Variants in RADIL observed in about 807,000 individuals in gnomAD.
RADIL encodes the protein ras-associating and dilute domain-containing protein.
Under a neutral mutation model 97.6 loss-of-function variants are expected in RADIL, and 99 were observed. The ratio of observed to expected loss-of-function variants is 1.01; its 90% confidence interval spans 0.86 to 1.20. The LOEUF (loss-of-function observed/expected upper bound fraction) is 1.20. Among genes scored for constraint, RADIL ranks in the 50% most tolerant of loss-of-function variants. The probability of loss-of-function intolerance (pLI) is 0.00; values close to 1 mark genes in which losing one functional copy is unlikely to be tolerated. For missense variants in RADIL, 1,765 were observed against 1,498.9 expected (o/e 1.18, Z -2.93); for synonymous variants, 803 against 691.8 (o/e 1.16, Z -2.52).
chr7:4,802,291 G>A lies in RADIL; in HGVS notation c.2500-296C>T, dbSNP rs570281737. Among the ~76,000 whole-genome samples, 5 of 147,144 alleles carry A rather than the reference G, an allele frequency of 3.4e-5. No individual in the cohort carries two copies. The East Asian group carries it at 8.0e-4, about 24-fold the overall frequency. ...CCGGGCACCTCGGGGCACGCTGGCT[G>A]GGGGGCCCCCTCCCCAGGTACCTCG... On this transcript the variant is annotated intron_variant, in intron 11 of 14. Transcript: ENST00000399583.
chr7:4,823,433 G>A (rs1326292283), intron 5 of RADIL, among the ~76,000 whole-genome samples: 1 of 148,680 alleles, frequency 6.7e-6, no homozygotes, highest in African/African-American at 2.5e-5. Context: ...GCCTCCTAAA[G>A]TGCTGGGATT....
At chr7:4,844,480 T>A (rs1231750975) in intron 2 of RADIL, among the ~76,000 whole-genome samples, 1 of 152,184 alleles carries the variant, frequency 6.6e-6, no homozygotes, top group African/African-American at 2.4e-5. Context: ...AGTTCAATTA[T>A]CATTATTTTG....
intron 5 of RADIL, among the ~76,000 whole-genome samples, chr7:4,831,392 C>G (rs1379339390): frequency 6.6e-6 from 1 of 151,754 alleles, no homozygotes; most frequent in East Asian, 1.9e-4. Context: ...AGGGTGGAGG[C>G]TGGGAGGAGG....
intron 9 of RADIL, chr7:4,808,465 A>C (rs961044587): frequency 5.4e-5 from 27 of 498,378 alleles, no homozygotes; most frequent in Non-Finnish European, 6.8e-5. Flanking sequence ...AACTAGGGCC[A>C]GCGAGGCCTA....
chr7:4,849,927 A>G lies in RADIL; in HGVS notation c.536-13322T>C, dbSNP rs1327896833. ...AATTGTATTTTTTATGGTGGTTAAC[A>G]CTGGTGATCTTACTACTGATAACAT... On this transcript the variant is annotated intron_variant, in intron 2 of 14. Transcript: ENST00000399583. The surrounding 1 kb of genome is among the most constrained non-coding windows in gnomAD (Gnocchi z 5.4). Among the ~76,000 whole-genome samples the G allele has an allele frequency of 2.7e-5, 4 of 148,974 alleles. No individual in the cohort carries two copies. Among genetic ancestry groups the G allele is most frequent in the Non-Finnish European group, 4.4e-5 (3 of 67,620 alleles).
At position 4,864,293 on chromosome 7, in the gene RADIL, AT is replaced by A. The variant is rs577987402; in HGVS notation, c.535+13311del. ...ACATGTCTGGCCAGTCCTCAGTCAA[AT>A]TTGCTGATTCCTCCTCCTTTACTTG... On this transcript the variant is annotated intron_variant, in intron 2 of 14. Coordinates refer to ENST00000399583, the MANE Select transcript of RADIL (RefSeq NM_018059.5). Among the ~76,000 whole-genome samples the A allele has an allele frequency of 2.9e-3, 442 of 152,176 alleles. 2 individuals are homozygous for A. Among genetic ancestry groups the A allele is most frequent in the African/African-American group, 0.01 (424 of 41,504 alleles).
intron 2 of RADIL, among the ~76,000 whole-genome samples, chr7:4,853,350 G>A (rs965264496): frequency 1.3e-5 from 2 of 152,184 alleles, no homozygotes; most frequent in African/African-American, 4.8e-5. Context: ...AGATTATCCA[G>A]GTGGGCCTCA....
chr7:4,881,420 A>G (rs1285607741), intron 1 of RADIL, among the ~76,000 whole-genome samples: 4 of 84,720 alleles, frequency 4.7e-5, no homozygotes, highest in Admixed American at 1.6e-4. Context: ...CTCTCAAAAA[A>G]AAAAAAAAAA....
chr7:4,806,745 G>A (rs976026552), intron 9 of RADIL, among the ~76,000 whole-genome samples: 2 of 152,216 alleles, frequency 1.3e-5, no homozygotes, highest in Non-Finnish European at 1.5e-5. Context: ...CCTGCGTGCT[G>A]GAACTGTCTT....
At chr7:4,841,162 A>T (rs543581472) in intron 2 of RADIL, among the ~76,000 whole-genome samples, 1 of 152,222 alleles carries the variant, frequency 6.6e-6, no homozygotes, top group Non-Finnish European at 1.5e-5. Context: ...GAATACGCCC[A>T]TGTCTTCTGT....
rs1027956045 is a variant in RADIL, at chr7:4,814,936, G to A, written c.2139+342C>T. 2.0e-5 allele frequency among the ~76,000 whole-genome samples: 3 copies of A among 152,128 alleles called. No homozygotes were observed. The highest frequency in any genetic ancestry group is 4.4e-5 in the Non-Finnish European group (3 of 68,010). On this transcript the variant is annotated intron_variant, in intron 9 of 14. Coordinates refer to ENST00000399583, the MANE Select transcript of RADIL (RefSeq NM_018059.5). This position sits in a 1 kb window ranked among gnomAD's most constrained non-coding sequence, Gnocchi z 4.5. ...TTCTTCTGTTTCTCTCTGACCTTCT[G>A]GACTTGTCTGAGTGGACTGGGCCAC...
At chr7:4,833,807 T>C (rs1783214830) in intron 4 of RADIL, among the ~76,000 whole-genome samples, 1 of 151,970 alleles carries the variant, frequency 6.6e-6, no homozygotes, top group Non-Finnish European at 1.5e-5. Context: ...CGGGGGGCCA[T>C]GACTGTGTGA....
Position 4,817,282 on chromosome 7 carries a change from A to T in RADIL, c.1685T>A (p.Val562Glu). ...SEEAMAVLEE[V>E]VLYAFQQCVY... ...GCACTGCTGGAAGGCGTACAGCACCACCTCCTCCAGCACCGCCATGGCCTC... is the reference window on the plus strand; with the variant it reads ...GCACTGCTGGAAGGCGTACAGCACCTCCTCCTCCAGCACCGCCATGGCCTC... The change falls in exon 7 of 15, where the codon GTG becomes GAG. Residue 562 changes from valine (V) to glutamate (E), a missense_variant. Val to Glu is a moderately radical substitution (Grantham distance 121). Transcript: ENST00000399583. The surrounding 1 kb of genome is among the most constrained non-coding windows in gnomAD (Gnocchi z 8.3). 2.5e-6 allele frequency: 4 copies of T among 1,612,286 alleles called. No individual in the cohort carries two copies. The highest frequency in any genetic ancestry group is 3.4e-6 in the Non-Finnish European group (4 of 1,179,664).
Position 4,819,074 on chromosome 7 carries a change from T to C in RADIL, c.1616-1723A>G, listed in dbSNP as rs113279381. On this transcript the variant is annotated intron_variant, in intron 6 of 14. Coordinates refer to ENST00000399583, the MANE Select transcript of RADIL (RefSeq NM_018059.5). The surrounding 1 kb of genome is among the most constrained non-coding windows in gnomAD (Gnocchi z 5.8). ...TCCATTTCTCTCTCTCTCTCTCTCT[T>C]TTTTTTTTTTTTTTAAAGACAGAGT... Among the ~76,000 whole-genome samples, 419 of 109,550 alleles carry C rather than the reference T, an allele frequency of 3.8e-3. 5 individuals carry two copies. The highest frequency in any genetic ancestry group is 0.018 in the African/African-American group (350 of 19,008). 71.9% of individuals were successfully genotyped at this position (109,550 alleles called of 152,430 possible).
rs1370976707 is a variant in RADIL at position 4,803,428 on chromosome 7, G to A, written c.2499+118C>T. On this transcript the variant is annotated intron_variant, in intron 11 of 14. Coordinates refer to ENST00000399583, the MANE Select transcript of RADIL (RefSeq NM_018059.5). ...CACACTGGCTGGGCCCCCTCCCCGG[G>A]CACCTCGGGGCACGCTGGCTGGGTG... is the stretch of plus-strand genomic sequence containing the variant. The A allele has an allele frequency of 6.0e-6, 5 of 830,680 alleles. No individual in the cohort carries two copies. In the South Asian group the frequency reaches 7.6e-5, roughly 13 times the overall value. The allele number at this position is 830,680 out of a possible 1,614,324, so 51.5% of individuals were successfully genotyped here.
In RADIL at chr7:4,815,463, G is replaced by T. The variant is rs1782652774; in HGVS notation, c.1967-13C>A. On this transcript the variant is annotated splice_polypyrimidine_tract_variant and intron_variant, in intron 8 of 14. Transcript: ENST00000399583. This position sits in a 1 kb window ranked among gnomAD's most constrained non-coding sequence, Gnocchi z 8.0. ...CTCAGGGAGGGGCCTGTGGAGGGAA[G>T]AAGGGAGGGTGATGCCTGGGCTGCC... The T allele has an allele frequency of 4.0e-6, 6 of 1,492,958 alleles. No homozygotes were observed. The highest frequency in any genetic ancestry group is 2.7e-5 in the South Asian group (2 of 74,084). The allele number at this position is 1,492,958 out of a possible 1,614,324, so 92.5% of individuals were successfully genotyped here. A position where few individuals can be genotyped will look rare whatever the true frequency, so the allele number is the denominator to read the frequency against.
rs377425490 is a variant in RADIL at position 4,877,580 on chromosome 7, T to C, written c.535+25A>G. 8 of 1,566,112 alleles carry C rather than the reference T, an allele frequency of 5.1e-6. No homozygotes were observed. The African/African-American group carries it at 1.1e-4, about 21-fold the overall frequency. ...TTCTCAGCGCTCAGACCCACGGCTC[T>C]TCCTGAACCTGTGGCCCCCCTCACC... On this transcript the variant is annotated intron_variant, in intron 2 of 14. Transcript: ENST00000399583.
At chr7:4,861,713 T>A in intron 2 of RADIL, 1 of 1,569,358 alleles carries the variant, frequency 6.4e-7, no homozygotes, top group South Asian at 1.2e-5. Flanking sequence ...GTCCGTCTCC[T>A]TGGGGACCGC....
intron 2 of RADIL, among the ~76,000 whole-genome samples, chr7:4,853,776 A>G (rs1783764665): frequency 6.6e-6 from 1 of 151,408 alleles, no homozygotes; most frequent in Non-Finnish European, 1.5e-5. Context: ...CTGGGTGTAC[A>G]TGGAAAGTTA....
Sources: gnomAD v4.1 joint callset for allele counts (sites outside exome capture counted in the v4.1 genomes callset) on GRCh38, gnomAD v4.1.1 for gene constraint, Gnocchi (gnomAD v3.1) non-coding constraint, MANE v1.5 for transcripts, NCBI Gene and HGNC (gene_info 2026-07-23, HGNC 2026-07-21) for gene names.